The following LINGO2 variants were observed in gnomAD, a reference collection of about 807,000 sequenced individuals.
The protein encoded by LINGO2 is leucine-rich repeat and immunoglobulin-like domain-containing nogo receptor-interacting protein 2.
LINGO2 carries 14 observed loss-of-function variants against 30.6 expected under a neutral mutation model. That is an observed-to-expected ratio of 0.46 (90% CI 0.30 to 0.72). The LOEUF (loss-of-function observed/expected upper bound fraction) is 0.72. Among genes scored for constraint, LINGO2 ranks in the 30% least tolerant of loss-of-function variants. The pLI, the probability that LINGO2 is intolerant of heterozygous loss-of-function variation, is 0.07. For synonymous variants in LINGO2, 317 were observed against 288.5 expected (o/e 1.10, Z -1.00); for missense variants, 729 against 751.7 (o/e 0.97, Z 0.35).
chr9:28,273,159 T>A (rs143741345), intron 4 of LINGO2, among the ~76,000 whole-genome samples: 1 of 152,188 alleles, frequency 6.6e-6, no homozygotes, highest in Non-Finnish European at 1.5e-5. Flanking sequence ...ATATCCAACA[T>A]AATTATTTCT....
chr9:28,432,602 G>T (rs894420579), intron 2 of LINGO2, among the ~76,000 whole-genome samples: 1 of 151,980 alleles, frequency 6.6e-6, no homozygotes, highest in African/African-American at 2.4e-5. Flanking sequence ...ATTCACATGG[G>T]TTAATTTGAT....
intron 1 of LINGO2, among the ~76,000 whole-genome samples, chr9:28,532,531 G>C (rs1161739847): frequency 6.6e-6 from 1 of 151,958 alleles, no homozygotes; most frequent in African/African-American, 2.4e-5. Context: ...CTTTGTACCT[G>C]CCCTGGGATT....
At chr9:28,600,967 A>C (rs2135745362) in intron 1 of LINGO2, among the ~76,000 whole-genome samples, 1 of 152,294 alleles carries the variant, frequency 6.6e-6, no homozygotes, top group East Asian at 1.9e-4. Context: ...ATTGAGAACA[A>C]AAATAAAAAT....
At chr9:29,021,812 C>T in the LINGO2 span, among the ~76,000 whole-genome samples, 1 of 151,766 alleles carries the variant, frequency 6.6e-6, no homozygotes, top group Non-Finnish European at 1.5e-5. Flanking sequence ...ATTTTGTTTG[C>T]CTTCTTTTTT....
intron 4 of LINGO2, among the ~76,000 whole-genome samples, chr9:28,120,436 T>G (rs1176162498): frequency 1.3e-5 from 2 of 152,212 alleles, no homozygotes; most frequent in African/African-American, 4.8e-5. Flanking sequence ...AAACTGGGTC[T>G]TAATTTCTAG....
the LINGO2 span, among the ~76,000 whole-genome samples, chr9:29,071,482 CATATATAT>C: frequency 0.12 from 14,026 of 120,720 alleles, 922 homozygotes; most frequent in Non-Finnish European, 0.15. Flanking sequence ...ATTAACTGGT[CATATATAT>C]ATATATATAT....
chr9:28,725,251 A>G, the LINGO2 span, among the ~76,000 whole-genome samples: 1 of 152,068 alleles, frequency 6.6e-6, no homozygotes, highest in Non-Finnish European at 1.5e-5. Context: ...AGATAAATAG[A>G]GATAAAAAGG....
intron 4 of LINGO2, among the ~76,000 whole-genome samples, chr9:28,084,951 A>G (rs1825869603): frequency 6.6e-6 from 1 of 152,170 alleles, no homozygotes; most frequent in Non-Finnish European, 1.5e-5. Flanking sequence ...GCCTAGTTCA[A>G]AATTATAGCT....
chr9:28,042,090 G>C (rs949147779), intron 4 of LINGO2, among the ~76,000 whole-genome samples: 3 of 152,104 alleles, frequency 2.0e-5, no homozygotes, highest in African/African-American at 7.2e-5. Flanking sequence ...TACTTCTAAG[G>C]ATTTAATCAA....
At chr9:28,580,313 C>T (rs2135646410) in intron 1 of LINGO2, among the ~76,000 whole-genome samples, 1 of 152,102 alleles carries the variant, frequency 6.6e-6, no homozygotes, top group African/African-American at 2.4e-5. Context: ...TTACAATTGT[C>T]CAGCAGATAA....
intron 5 of LINGO2, among the ~76,000 whole-genome samples, chr9:27,974,023 G>T (rs900397254): frequency 2.0e-4 from 31 of 152,152 alleles, no homozygotes; most frequent in Admixed American, 3.9e-4. Context: ...AAAAATGGTG[G>T]TGTTATATGG....
At chr9:27,971,851 G>A (rs1356712445) in intron 5 of LINGO2, among the ~76,000 whole-genome samples, 1 of 152,096 alleles carries the variant, frequency 6.6e-6, no homozygotes, top group Non-Finnish European at 1.5e-5. Context: ...TTTTTCCTCT[G>A]GAGGATAAAT....
At chr9:28,439,540 C>T (rs574427080) in intron 2 of LINGO2, among the ~76,000 whole-genome samples, 36 of 152,078 alleles carry the variant, frequency 2.4e-4, no homozygotes, top group Non-Finnish European at 4.0e-4. Context: ...GGGCAGACTT[C>T]CTCCTTGCTG....
At chr9:27,948,961 C>A (rs763498357) in exon 6 of LINGO2, 2 of 1,613,890 alleles carry the variant, frequency 1.2e-6, no homozygotes, top group Non-Finnish European at 1.7e-6. Flanking sequence ...TTGTGCTTGC[C>A]TTTCCCTCGG....
At chr9:29,154,363 T>A in the LINGO2 span, among the ~76,000 whole-genome samples, 2 of 145,958 alleles carry the variant, frequency 1.4e-5, no homozygotes, top group African/African-American at 5.1e-5. Flanking sequence ...GGCAGGAGAA[T>A]GGCGTGAACC....
chr9:28,048,514 G>A (rs1422395851), intron 4 of LINGO2, among the ~76,000 whole-genome samples: 1 of 150,726 alleles, frequency 6.6e-6, no homozygotes, highest in African/African-American at 2.5e-5. Flanking sequence ...TGTATTCATT[G>A]CCAGTGAAAG....
At chr9:28,498,244 C>A (rs1369322299) in intron 1 of LINGO2, among the ~76,000 whole-genome samples, 1 of 152,212 alleles carries the variant, frequency 6.6e-6, no homozygotes, top group South Asian at 2.1e-4. Flanking sequence ...TGGCTATGCC[C>A]TGCCCCCAGA....
intron 4 of LINGO2, among the ~76,000 whole-genome samples, chr9:28,242,318 G>A (rs1250034866): frequency 3.9e-5 from 6 of 152,016 alleles, no homozygotes; most frequent in Admixed American, 2.6e-4. Context: ...TGAGAACTTC[G>A]TGAACCATAC....
the LINGO2 span, among the ~76,000 whole-genome samples, chr9:28,699,034 C>A: frequency 1.5e-5 from 2 of 134,974 alleles, no homozygotes; most frequent in African/African-American, 2.9e-5. Context: ...AGAATGAGAC[C>A]CTGCCTCAAA....
Sources: allele counts gnomAD v4.1 joint callset (sites outside exome capture counted in the v4.1 genomes callset), GRCh38; gene constraint gnomAD v4.1.1; transcripts MANE v1.5; gene names NCBI Gene and HGNC (gene_info 2026-07-23, HGNC 2026-07-21).